Variants in CDH13 observed in about 807,000 individuals in gnomAD.
CDH13 encodes cadherin 13.
In CDH13, 24 loss-of-function variants were observed where a neutral mutation model predicts 63.8. The observed-to-expected ratio is 0.38, with a 90% CI of 0.27 to 0.53. CDH13 has a LOEUF of 0.53. Among genes scored for constraint, CDH13 ranks in the 20% least tolerant of loss-of-function variants. CDH13 has a pLI of 0.85. For missense variants in CDH13, 1,049 were observed against 903.1 expected, an observed-to-expected ratio of 1.16 and a Z score of -2.07; for synonymous variants, 503 against 355.3, an observed-to-expected ratio of 1.42 and a Z score of -4.67.
At chr16:83,122,214 C>G (rs1270875176) in intron 3 of CDH13, among the ~76,000 whole-genome samples, 4 of 152,204 alleles carry the variant, frequency 2.6e-5, no homozygotes, top group Non-Finnish European at 4.4e-5. Context: ...GAAGTCTCAG[C>G]TTGGTGCTAA....
At chr16:83,029,921 T>G (rs1014740764) in intron 2 of CDH13, among the ~76,000 whole-genome samples, 4 of 152,228 alleles carry the variant, frequency 2.6e-5, no homozygotes, top group African/African-American at 9.6e-5. Context: ...AAGCACGTAG[T>G]ACAATTCTAT....
At chr16:83,365,852 TA>T (rs754752915) in intron 6 of CDH13, among the ~76,000 whole-genome samples, 9 of 152,118 alleles carry the variant, frequency 5.9e-5, no homozygotes, top group Non-Finnish European at 1.3e-4. Context: ...GTGTGAGAAA[TA>T]AATCCATTCT....
chr16:82,763,295 C>T (rs12102622), intron 1 of CDH13, among the ~76,000 whole-genome samples: 8,076 of 152,230 alleles, frequency 0.053, 720 homozygotes, highest in African/African-American at 0.19. Context: ...TCCTGCTTTG[C>T]TTTTTCTTCA....
intron 1 of CDH13, among the ~76,000 whole-genome samples, chr16:82,837,642 C>A (rs964014090): frequency 6.6e-6 from 1 of 152,186 alleles, no homozygotes; most frequent in Non-Finnish European, 1.5e-5. Flanking sequence ...TTAACTCCCC[C>A]AAGCAACATA....
chr16:83,004,935 C>T (rs560820029), intron 2 of CDH13, among the ~76,000 whole-genome samples: 1 of 152,178 alleles, frequency 6.6e-6, no homozygotes, highest in African/African-American at 2.4e-5. Context: ...TTCCTACCTC[C>T]TGCACCATAG....
At chr16:83,232,157 G>A (rs2040014985) in intron 5 of CDH13, among the ~76,000 whole-genome samples, 2 of 143,922 alleles carry the variant, frequency 1.4e-5, no homozygotes, top group Non-Finnish European at 3.0e-5. Context: ...CATGACACAA[G>A]TTTGCCTGTG....
rs2090516312 is a variant in CDH13, at chr16:83,333,272, G to A, written c.637-11590G>A. Among the ~76,000 whole-genome samples, 5 of 151,884 alleles carry A rather than the reference G, an allele frequency of 3.3e-5. No individual in the cohort carries two copies. In the South Asian group the frequency reaches 1.0e-3, roughly 32 times the overall value. On this transcript the variant is annotated intron_variant, in intron 5 of 13. Coordinates refer to ENST00000567109, the MANE Select transcript of CDH13 (RefSeq NM_001257.5). ...GGCGTCAGAGAGAAACCTGGATTACGGTAATAGAAAAGCAATTTCAAAGGA... is the reference window on the plus strand; with the variant it reads ...GGCGTCAGAGAGAAACCTGGATTACAGTAATAGAAAAGCAATTTCAAAGGA...
chr16:83,503,630 A>T (rs2074333153), intron 7 of CDH13, among the ~76,000 whole-genome samples: 1 of 152,128 alleles, frequency 6.6e-6, no homozygotes, highest in Non-Finnish European at 1.5e-5. Flanking sequence ...GTGCAATAGG[A>T]AAAGATGCTT....
At chr16:83,599,304 T>C (rs1907562055) in intron 7 of CDH13, among the ~76,000 whole-genome samples, 1 of 152,198 alleles carries the variant, frequency 6.6e-6, no homozygotes, top group African/African-American at 2.4e-5. Context: ...AGTCTCCCAA[T>C]TTGCTTCACC....
chr16:82,627,333 C>CGTGTGT (rs1238497118), intron 1 of CDH13, among the ~76,000 whole-genome samples, 196 bp downstream of exon 1: 2 of 67,364 alleles, frequency 3.0e-5, no homozygotes, highest in South Asian at 6.3e-4. Context: ...CCCACTCTGG[C>CGTGTGT]GTGCGTGTGT....
chr16:83,211,107 C>G (rs1265934911), intron 4 of CDH13, among the ~76,000 whole-genome samples: 1 of 149,104 alleles, frequency 6.7e-6, no homozygotes, highest in Non-Finnish European at 1.5e-5. Flanking sequence ...AAGATCACAC[C>G]AGTGCACTCC....
chr16:82,706,383 A>G (rs1756527066), intron 1 of CDH13, among the ~76,000 whole-genome samples: 1 of 152,202 alleles, frequency 6.6e-6, no homozygotes, highest in Non-Finnish European at 1.5e-5. Flanking sequence ...GGGGAGAATT[A>G]TCTGCATATA....
intron 6 of CDH13, among the ~76,000 whole-genome samples, chr16:83,366,473 C>A (rs1053531213): frequency 1.3e-5 from 2 of 152,142 alleles, no homozygotes; most frequent in South Asian, 4.1e-4. Flanking sequence ...TCGCTGCTTG[C>A]CACAATTCAC....
At position 82,877,946 on chromosome 16, in the gene CDH13, CACACACACACACACATAT is replaced by C. The variant is rs565586775; in HGVS notation, c.157+19488_157+19505del. On this transcript the variant is annotated intron_variant, in intron 2 of 13. Transcript: ENST00000567109. The stretch of plus-strand genomic sequence containing the variant: ...ATAGACACACACACACACACACACA[CACACACACACACACATAT>C]ACACACACACACACTCTATATATGT... Among the ~76,000 whole-genome samples the C allele has an allele frequency of 3.2e-3, 437 of 137,640 alleles. 3 individuals are homozygous for C. Among genetic ancestry groups the C allele is most frequent in the African/African-American group, 5.4e-3 (212 of 38,964 alleles). The allele number at this position is 137,640 out of a possible 152,430, so 90.3% of individuals were successfully genotyped here. A position where few individuals can be genotyped will look rare whatever the true frequency, so the allele number is the denominator to read the frequency against.
chr16:83,459,674 C>A (rs1217440651), intron 6 of CDH13, among the ~76,000 whole-genome samples: 1 of 152,164 alleles, frequency 6.6e-6, no homozygotes, highest in Non-Finnish European at 1.5e-5. Context: ...TTGATGGTTT[C>A]ATGTAAATGC....
At position 83,418,957 on chromosome 16, in the gene CDH13, C is replaced by A. The variant is rs527371380; in HGVS notation, c.782-67520C>A. 2.5e-3 allele frequency among the ~76,000 whole-genome samples: 384 copies of A among 152,186 alleles called. 18 individuals are homozygous for A. The South Asian group carries it at 0.076, about 30-fold the overall frequency. ...TCTCTTCTGATAGGGAATGGCAAAG[C>A]CCCCTAAATTCATGAAACATATGCA... is the stretch of plus-strand genomic sequence containing the variant. On this transcript the variant is annotated intron_variant, in intron 6 of 13. Transcript: ENST00000567109.
intron 4 of CDH13, among the ~76,000 whole-genome samples, chr16:83,207,791 G>C (rs2039226816): frequency 6.8e-6 from 1 of 148,018 alleles, no homozygotes; most frequent in African/African-American, 2.5e-5. Context: ...CTGAAGCCTA[G>C]TGAAAATAAC....
chr16:83,190,119 A>C (rs111806118), intron 4 of CDH13, among the ~76,000 whole-genome samples: 3 of 152,304 alleles, frequency 2.0e-5, no homozygotes, highest in African/African-American at 7.2e-5. Context: ...ACTAATACAC[A>C]CATCTAACAA....
intron 8 of CDH13, among the ~76,000 whole-genome samples, chr16:83,616,264 T>C (rs1199134766): frequency 2.6e-5 from 4 of 152,192 alleles, no homozygotes; most frequent in African/African-American, 2.4e-5. Context: ...TGAAAAAATA[T>C]ATAATCTACC....
Sources: allele counts gnomAD v4.1 joint callset (sites outside exome capture counted in the v4.1 genomes callset), GRCh38; gene constraint gnomAD v4.1.1; transcripts MANE v1.5; gene names NCBI Gene and HGNC (gene_info 2026-07-23, HGNC 2026-07-21).